Variants in PPP1R9A observed in about 807,000 individuals in gnomAD.
The protein encoded by PPP1R9A is protein phosphatase 1 regulatory subunit 9A, also known as neurabin-1.
A neutral mutation model predicts 141.9 loss-of-function variants in PPP1R9A; 59 were observed. The observed-to-expected ratio is 0.42, with a 90% CI of 0.34 to 0.52. The LOEUF (loss-of-function observed/expected upper bound fraction) is 0.52. Among genes scored for constraint, PPP1R9A ranks in the 20% least tolerant of loss-of-function variants. The pLI, the probability that PPP1R9A is intolerant of heterozygous loss-of-function variation, is 0.10. For synonymous variants in PPP1R9A, 500 were observed against 569.7 expected, an observed-to-expected ratio of 0.88 and a Z score of 1.74; for missense variants, 1,444 against 1,611.9, an observed-to-expected ratio of 0.90 and a Z score of 1.78.
intron 2 of PPP1R9A, among the ~76,000 whole-genome samples, chr7:95,091,591 G>GT (rs1192118264): frequency 6.6e-6 from 1 of 151,644 alleles, no homozygotes; most frequent in Non-Finnish European, 1.5e-5. Flanking sequence ...TGATCTGCCC[G>GT]TCTTGGCCTC....
At chr7:95,277,202 A>G (rs1199635515) in intron 16 of PPP1R9A, among the ~76,000 whole-genome samples, 2 of 152,194 alleles carry the variant, frequency 1.3e-5, no homozygotes, top group Non-Finnish European at 2.9e-5. Context: ...TTAGATTTTA[A>G]AGAGGCAAGA....
At chr7:95,278,965 G>A (rs1251031458) in intron 16 of PPP1R9A, among the ~76,000 whole-genome samples, 1 of 152,056 alleles carries the variant, frequency 6.6e-6, no homozygotes, top group East Asian at 1.9e-4. Context: ...CATGTTATTA[G>A]GAGGATTAAG....
intron 2 of PPP1R9A, among the ~76,000 whole-genome samples, chr7:95,072,298 T>G (rs1432297702): frequency 6.9e-6 from 1 of 144,866 alleles, no homozygotes; most frequent in African/African-American, 2.5e-5. Context: ...ATTATAAAAA[T>G]TAATAATATT....
At chr7:94,996,762 TTACTG>T (rs1802223239) in intron 2 of PPP1R9A, among the ~76,000 whole-genome samples, 1 of 151,870 alleles carries the variant, frequency 6.6e-6, no homozygotes, top group Admixed American at 6.6e-5. Flanking sequence ...GTGTTAAAAT[TTACTG>T]TAATTTTCAT....
chr7:94,954,624 CT>C (rs1184551709), intron 2 of PPP1R9A, among the ~76,000 whole-genome samples: 1 of 151,082 alleles, frequency 6.6e-6, no homozygotes, highest in African/African-American at 2.4e-5. Context: ...ATTTGGTTCA[CT>C]TAGATTTATT....
At chr7:95,205,790 C>T (rs902471614) in intron 7 of PPP1R9A, among the ~76,000 whole-genome samples, 1 of 152,122 alleles carries the variant, frequency 6.6e-6, no homozygotes, top group African/African-American at 2.4e-5. Context: ...CTGTGTGTAT[C>T]TCTTTCTGTC....
intron 8 of PPP1R9A, among the ~76,000 whole-genome samples, chr7:95,237,357 A>C (rs562670653): frequency 1.0e-3 from 153 of 151,640 alleles, no homozygotes; most frequent in African/African-American, 3.6e-3. Context: ...CACCACACCC[A>C]GCTAATTTTT....
chr7:94,996,124 G>A (rs1463369173), intron 2 of PPP1R9A, among the ~76,000 whole-genome samples: 1 of 151,766 alleles, frequency 6.6e-6, no homozygotes, highest in African/African-American at 2.4e-5. Flanking sequence ...ATATATCTTG[G>A]GGAAAAAAAT....
intron 2 of PPP1R9A, among the ~76,000 whole-genome samples, chr7:94,994,571 T>C (rs1801923454): frequency 6.6e-6 from 1 of 152,158 alleles, no homozygotes; most frequent in African/African-American, 2.4e-5. Context: ...TTTTAAGTTA[T>C]TAATTTGGTT....
At chr7:95,016,061 A>C (rs927111422) in intron 2 of PPP1R9A, among the ~76,000 whole-genome samples, 1 of 152,128 alleles carries the variant, frequency 6.6e-6, no homozygotes, top group African/African-American at 2.4e-5. Flanking sequence ...CTGTCTCTAA[A>C]GAATAAGAAA....
intron 5 of PPP1R9A, among the ~76,000 whole-genome samples, chr7:95,175,972 C>T (rs966328162): frequency 2.6e-5 from 4 of 152,048 alleles, no homozygotes; most frequent in African/African-American, 4.8e-5. Flanking sequence ...GACTAGATTG[C>T]AGCTCTGACT....
At chr7:95,257,076 T>C (rs1401394230) in intron 12 of PPP1R9A, among the ~76,000 whole-genome samples, 1 of 152,154 alleles carries the variant, frequency 6.6e-6, no homozygotes, top group Non-Finnish European at 1.5e-5. Context: ...TTCTAAAATA[T>C]ATATGGATGA....
intron 2 of PPP1R9A, among the ~76,000 whole-genome samples, chr7:95,059,372 G>T (rs955103003): frequency 7.2e-5 from 11 of 152,050 alleles, no homozygotes; most frequent in Non-Finnish European, 1.5e-4. Context: ...AAATCCCAGA[G>T]AACTCTTTTA....
chr7:94,961,338 ATAATAT>A lies in PPP1R9A; in HGVS notation c.1395+49833_1395+49838del, dbSNP rs909546296. Among the ~76,000 whole-genome samples the A allele has an allele frequency of 4.0e-5, 6 of 151,728 alleles. 1 individual carries two copies. The highest frequency in any genetic ancestry group is 5.9e-5 in the Non-Finnish European group (4 of 67,724). On this transcript the variant is annotated intron_variant, in intron 2 of 19. Coordinates refer to ENST00000433360, the MANE Select transcript of PPP1R9A (RefSeq NM_001166160.2). Reference sequence around the variant, plus strand: ...GCTTTTCAAAATCATATCATGAATAATAATATTAGTATTATTCTAATAACCCAGTAG... The same window carrying A: ...GCTTTTCAAAATCATATCATGAATAATAGTATTATTCTAATAACCCAGTAG...
intron 2 of PPP1R9A, among the ~76,000 whole-genome samples, chr7:94,912,450 T>C (rs139911507): frequency 2.0e-4 from 31 of 152,190 alleles, no homozygotes; most frequent in African/African-American, 7.5e-4. Context: ...TCTGGAAGGT[T>C]ATGGTGGCAG....
chr7:95,247,317 A>G (rs1332840478), intron 8 of PPP1R9A, among the ~76,000 whole-genome samples, 156 bp from the exon 9 acceptor site: 7 of 152,200 alleles, frequency 4.6e-5, no homozygotes, highest in South Asian at 4.1e-4. Context: ...ACCCAGTGTC[A>G]TTTCACACAG....
chr7:95,220,383 T>A (rs1794243985), intron 7 of PPP1R9A, among the ~76,000 whole-genome samples: 1 of 152,104 alleles, frequency 6.6e-6, no homozygotes, highest in Non-Finnish European at 1.5e-5. Flanking sequence ...TAAGGCTATT[T>A]TTGTGATTAG....
At chr7:95,075,610 C>T (rs557355947) in intron 2 of PPP1R9A, among the ~76,000 whole-genome samples, 125 of 151,942 alleles carry the variant, frequency 8.2e-4, no homozygotes, top group African/African-American at 2.9e-3. Flanking sequence ...CTGAGGCAGG[C>T]GGATCACAAT....
In PPP1R9A at chr7:94,998,445, C is replaced by T. The variant is rs551588086; in HGVS notation, c.1395+86937C>T. On this transcript the variant is annotated intron_variant, in intron 2 of 19. Coordinates refer to ENST00000433360, the MANE Select transcript of PPP1R9A (RefSeq NM_001166160.2). Reference sequence around the variant, plus strand: ...GTCTGGCTTATATGAGTTTTTCTAGCATTTGAAATAAGACCTCTTATATCC... The same window carrying T: ...GTCTGGCTTATATGAGTTTTTCTAGTATTTGAAATAAGACCTCTTATATCC... Among the ~76,000 whole-genome samples the T allele has an allele frequency of 3.0e-4, 45 of 152,226 alleles. No individual in the cohort carries two copies. In the South Asian group the frequency reaches 5.0e-3, roughly 17 times the overall value.
Sources: gnomAD v4.1 joint callset for allele counts (sites outside exome capture counted in the v4.1 genomes callset) on GRCh38, gnomAD v4.1.1 for gene constraint, MANE v1.5 for transcripts, NCBI Gene and HGNC (gene_info 2026-07-23, HGNC 2026-07-21) for gene names.